FARS2: variants seen among roughly 807,000 people sequenced by gnomAD.
FARS2 encodes phenylalanine--tRNA ligase, mitochondrial.
Under a neutral mutation model 46.4 loss-of-function variants are expected in FARS2, and 40 were observed. The observed-to-expected ratio is 0.86, with a 90% CI of 0.67 to 1.12. The LOEUF (loss-of-function observed/expected upper bound fraction) is 1.12. Among genes scored for constraint, FARS2 ranks in the 50% most tolerant of loss-of-function variants. The pLI, the probability that FARS2 is intolerant of heterozygous loss-of-function variation, is 0.00. For synonymous variants in FARS2, 234 were observed against 214.9 expected, an observed-to-expected ratio of 1.09 and a Z score of -0.78; for missense variants, 513 against 567.9, an observed-to-expected ratio of 0.90 and a Z score of 0.98.
At position 5,765,560 on chromosome 6, in the gene FARS2, G is replaced by A. The variant is rs548286989; in HGVS notation, c.1218-5731G>A. Reference sequence around the variant, plus strand: ...GCCCTCTGGTGGGCCCTGTAGTGCCGCACTGTACTAGACAAACAGCGCGTG... The same window carrying A: ...GCCCTCTGGTGGGCCCTGTAGTGCCACACTGTACTAGACAAACAGCGCGTG... On this transcript the variant is annotated intron_variant, in intron 6 of 6. Transcript: ENST00000274680. The surrounding 1 kb of genome is among the most constrained non-coding windows in gnomAD (Gnocchi z 4.0). 2.6e-5 allele frequency among the ~76,000 whole-genome samples: 4 copies of A among 152,122 alleles called. No individual in the cohort carries two copies. Among genetic ancestry groups the A allele is most frequent in the African/African-American group, 7.2e-5 (3 of 41,414 alleles).
chr6:5,629,964 A>C (rs1561764860), intron 6 of FARS2, among the ~76,000 whole-genome samples: 1 of 152,310 alleles, frequency 6.6e-6, no homozygotes, highest in East Asian at 1.9e-4. Flanking sequence ...TAGGGGCAGC[A>C]GTGCTTTGGT....
intron 1 of FARS2, among the ~76,000 whole-genome samples, chr6:5,357,052 C>T (rs185725640): frequency 1.1e-3 from 164 of 152,066 alleles, no homozygotes; most frequent in African/African-American, 3.8e-3. Context: ...AGCAATCTTG[C>T]CACTATGTTC....
chr6:5,546,421 TG>T (rs373865506), intron 5 of FARS2, among the ~76,000 whole-genome samples: 3,713 of 151,754 alleles, frequency 0.024, 78 homozygotes, highest in Non-Finnish European at 0.04. Flanking sequence ...CAGCTAATTT[TG>T]TGTATTTTTA....
chr6:5,260,766 T>C, upstream of FARS2: 5 of 1,538,420 alleles, frequency 3.3e-6, no homozygotes, highest in Non-Finnish European at 4.4e-6. Context: ...CGGGTCCTCT[T>C]CGCCGAGGTC....
At chr6:5,646,883 T>A (rs1777108051) in intron 6 of FARS2, among the ~76,000 whole-genome samples, 1 of 152,194 alleles carries the variant, frequency 6.6e-6, no homozygotes, top group South Asian at 2.1e-4. Flanking sequence ...GTTGAATCCA[T>A]GGATATGGAA....
intron 2 of FARS2, among the ~76,000 whole-genome samples, chr6:5,389,530 C>T (rs1312121108): frequency 1.3e-5 from 2 of 152,150 alleles, no homozygotes; most frequent in African/African-American, 2.4e-5. Context: ...CTTGTACTTG[C>T]GTTTGGTATT....
intron 4 of FARS2, among the ~76,000 whole-genome samples, chr6:5,527,239 A>G (rs937912946): frequency 5.3e-5 from 8 of 152,254 alleles, no homozygotes; most frequent in African/African-American, 1.4e-4. Context: ...AATCACAGCA[A>G]TAAAGTCTCA....
intron 6 of FARS2, among the ~76,000 whole-genome samples, chr6:5,769,197 G>A (rs955761019): frequency 6.6e-6 from 1 of 152,178 alleles, no homozygotes; most frequent in African/African-American, 2.4e-5. Context: ...TTTGCATGTG[G>A]ATATCCAGTT....
At chr6:5,305,020 C>T (rs934198892) in intron 1 of FARS2, among the ~76,000 whole-genome samples, 3 of 152,148 alleles carry the variant, frequency 2.0e-5, no homozygotes, top group Non-Finnish European at 2.9e-5. Context: ...TGGGCATGCG[C>T]TCAGAAGAGT....
chr6:5,393,458 C>T (rs1760705677), intron 2 of FARS2, among the ~76,000 whole-genome samples: 1 of 151,930 alleles, frequency 6.6e-6, no homozygotes, highest in African/African-American at 2.4e-5. Flanking sequence ...AGATCGAGAC[C>T]ATCCTGGCCA....
chr6:5,333,588 C>T, intron 1 of FARS2, among the ~76,000 whole-genome samples: 1 of 152,130 alleles, frequency 6.6e-6, no homozygotes, highest in East Asian at 1.9e-4. Context: ...GAGGAACCTC[C>T]TACCTTGCCG....
intron 2 of FARS2, among the ~76,000 whole-genome samples, chr6:5,378,963 C>G (rs892521622): frequency 1.3e-5 from 2 of 152,168 alleles, no homozygotes; most frequent in African/African-American, 4.8e-5. Context: ...TTCTGTGGCA[C>G]AGGGCTTTTG....
chr6:5,563,870 C>T (rs113423085), intron 5 of FARS2, among the ~76,000 whole-genome samples: 16,866 of 152,176 alleles, frequency 0.11, 1,073 homozygotes, highest in East Asian at 0.16. Context: ...ATTGTAGCCC[C>T]TCAGGGCTGA....
At chr6:5,451,697 G>A in intron 4 of FARS2, 1 of 152,158 alleles carries the variant, frequency 6.6e-6, no homozygotes, top group Non-Finnish European at 1.5e-5. Flanking sequence ...TTCTTTTGGA[G>A]TTTATTATGC....
chr6:5,695,104 T>C (rs1758017679), intron 6 of FARS2: 1 of 152,268 alleles, frequency 6.6e-6, no homozygotes. Flanking sequence ...AATTTCTTCT[T>C]TTCATTCTCA....
chr6:5,520,709 A>G (rs898750154), intron 4 of FARS2, among the ~76,000 whole-genome samples: 6 of 152,170 alleles, frequency 3.9e-5, no homozygotes, highest in Non-Finnish European at 8.8e-5. Context: ...TGATGAAGCC[A>G]TATTTTTCAA....
intron 3 of FARS2, among the ~76,000 whole-genome samples, chr6:5,420,028 T>C (rs1344499876): frequency 6.6e-6 from 1 of 152,144 alleles, no homozygotes; most frequent in African/African-American, 2.4e-5. Context: ...TCCACCTGGC[T>C]GGGGAGGCCT....
intron 6 of FARS2, among the ~76,000 whole-genome samples, chr6:5,626,676 T>G (rs1776048541): frequency 6.6e-6 from 1 of 152,244 alleles, no homozygotes; most frequent in Non-Finnish European, 1.5e-5. Context: ...ATCTCAGTTT[T>G]GACTAATTTC....
In FARS2 at chr6:5,414,123, G is replaced by A. The variant is rs557862635; in HGVS notation, c.772+9422G>A. On this transcript the variant is annotated intron_variant, in intron 3 of 6. Transcript: ENST00000274680. Reference sequence around the variant, plus strand: ...TTATGAAATATACCTTCCAATTGCTGCCCGACAGAGGCAGCAGTGGTTAGT... The same window carrying A: ...TTATGAAATATACCTTCCAATTGCTACCCGACAGAGGCAGCAGTGGTTAGT... Among the ~76,000 whole-genome samples, 154 of 152,212 alleles carry A rather than the reference G, an allele frequency of 1.0e-3. 1 individual carries two copies. The highest frequency in any genetic ancestry group is 3.5e-3 in the African/African-American group (147 of 41,526).
Sources: allele counts gnomAD v4.1 joint callset (sites outside exome capture counted in the v4.1 genomes callset), GRCh38; gene constraint gnomAD v4.1.1; non-coding constraint Gnocchi (gnomAD v3.1); transcripts MANE v1.5; gene names NCBI Gene and HGNC (gene_info 2026-07-23, HGNC 2026-07-21).